The following RCAN2 variants were observed in gnomAD, a reference collection of about 807,000 sequenced individuals.
The protein encoded by RCAN2 is regulator of calcineurin 2, also known as calcipressin-2.
Under a neutral mutation model 23.6 loss-of-function variants are expected in RCAN2, and 9 were observed. The ratio of observed to expected loss-of-function variants is 0.38; its 90% CI spans 0.23 to 0.67. The LOEUF (loss-of-function observed/expected upper bound fraction) is 0.67, where lower values mean the gene tolerates loss of function less well. RCAN2 is among the 30% of genes least tolerant of loss of function. The pLI, the probability that RCAN2 is intolerant of heterozygous loss-of-function variation, is 0.51. For synonymous variants in RCAN2, 109 were observed against 115.7 expected (o/e 0.94, Z 0.37); for missense variants, 273 against 302.3 (o/e 0.90, Z 0.72).
intron 2 of RCAN2, among the ~76,000 whole-genome samples, chr6:46,298,488 C>T (rs529848671): frequency 6.6e-6 from 1 of 152,016 alleles, no homozygotes; most frequent in Non-Finnish European, 1.5e-5. Context: ...TCTTACAATG[C>T]GATGTTACCA....
intron 2 of RCAN2, among the ~76,000 whole-genome samples, chr6:46,369,356 A>G (rs1765264391): frequency 6.6e-6 from 1 of 152,246 alleles, no homozygotes. Context: ...AGTATACTAT[A>G]GTAAACTGGT....
At chr6:46,396,121 A>C (rs1766081718) in intron 2 of RCAN2, among the ~76,000 whole-genome samples, 1 of 152,174 alleles carries the variant, frequency 6.6e-6, no homozygotes, top group South Asian at 2.1e-4. Flanking sequence ...TCATGCCTCA[A>C]CTGGATTCAA....
intron 2 of RCAN2, among the ~76,000 whole-genome samples, chr6:46,286,212 T>C (rs1762367609): frequency 6.6e-6 from 1 of 152,202 alleles, no homozygotes; most frequent in Non-Finnish European, 1.5e-5. Context: ...CTGTTCAAAC[T>C]GTTCGAATAA....
At chr6:46,475,777 A>G (rs1448063043) in intron 1 of RCAN2, among the ~76,000 whole-genome samples, 2 of 152,166 alleles carry the variant, frequency 1.3e-5, no homozygotes, top group African/African-American at 4.8e-5. Context: ...ATGTTTATTC[A>G]TTCAAAAAAC....
At chr6:46,247,728 A>G (rs943361198) in intron 3 of RCAN2, among the ~76,000 whole-genome samples, 7 of 152,240 alleles carry the variant, frequency 4.6e-5, no homozygotes, top group African/African-American at 1.4e-4. Context: ...TGGACATACT[A>G]TAATTTGCTA....
chr6:46,398,422 A>AATT (rs968400799), intron 2 of RCAN2, among the ~76,000 whole-genome samples: 5 of 152,162 alleles, frequency 3.3e-5, no homozygotes, highest in South Asian at 2.1e-4. Flanking sequence ...CTTAGTGGCC[A>AATT]ATTATTATTA....
chr6:46,461,584 C>CT (rs71715310), intron 1 of RCAN2, among the ~76,000 whole-genome samples: 3,596 of 143,474 alleles, frequency 0.025, 132 homozygotes, highest in African/African-American at 0.086. Flanking sequence ...TCTTTTTTTT[C>CT]TTTTTTTTTT....
chr6:46,391,393 G>T lies in RCAN2; in HGVS notation c.225+65359C>A, dbSNP rs150564875. 6.1e-3 allele frequency among the ~76,000 whole-genome samples: 927 copies of T among 152,252 alleles called. 13 individuals carry two copies. The highest frequency in any genetic ancestry group is 0.021 in the African/African-American group (874 of 41,534). Reference sequence around the variant, plus strand: ...TGCAGCTGATAGGCAGGGGGGCAGGGCTAAAACTGGGGTGCTAGGAGTGAC... The same window carrying T: ...TGCAGCTGATAGGCAGGGGGGCAGGTCTAAAACTGGGGTGCTAGGAGTGAC... On this transcript the variant is annotated intron_variant, in intron 2 of 4. Transcript: ENST00000371374.
At position 46,221,493 on chromosome 6, in the gene RCAN2, T is replaced by C. The variant is rs1285895488; in HGVS notation, c.*1648A>G. 1.3e-5 allele frequency: 2 copies of C among 155,148 alleles called. No homozygotes were observed. Among genetic ancestry groups the C allele is most frequent in the East Asian group, 1.9e-4 (1 of 5,292 alleles). 9.6% of individuals were successfully genotyped at this position (155,148 alleles called of 1,614,324 possible). A position where few individuals can be genotyped will look rare whatever the true frequency, so the allele number is the denominator to read the frequency against. ...ATTGTACACTCCTCAGATTTTATTT[T>C]TAAAAGGAGTTTTCATTTTCCTTAT... On this transcript the variant is annotated 3_prime_UTR_variant, in exon 5 of 5. Transcript: ENST00000371374.
At chr6:46,413,718 G>A (rs1230917078) in intron 2 of RCAN2, among the ~76,000 whole-genome samples, 2 of 152,190 alleles carry the variant, frequency 1.3e-5, no homozygotes, top group Non-Finnish European at 2.9e-5. Context: ...GCTGACATGT[G>A]AAGTTTCTTG....
intron 2 of RCAN2, among the ~76,000 whole-genome samples, chr6:46,452,000 C>T (rs1767896738): frequency 6.6e-6 from 1 of 152,146 alleles, no homozygotes; most frequent in South Asian, 2.1e-4. Flanking sequence ...TTTGTTTTGG[C>T]ATCACTGTCA....
At chr6:46,489,964 A>G (rs1042768166) in intron 1 of RCAN2, among the ~76,000 whole-genome samples, 4 of 152,202 alleles carry the variant, frequency 2.6e-5, no homozygotes, top group Admixed American at 1.3e-4. Flanking sequence ...TTGACAGTCA[A>G]TGCTGACCTG....
rs550743471 is a variant in RCAN2 at position 46,222,345 on chromosome 6, A to G, written c.*796T>C. 22 of 178,898 alleles carry G rather than the reference A, an allele frequency of 1.2e-4. 1 individual carries two copies. The East Asian group carries it at 2.6e-3, about 22-fold the overall frequency. 11.1% of individuals were successfully genotyped at this position (178,898 alleles called of 1,614,324 possible). A position where few individuals can be genotyped will look rare whatever the true frequency, so the allele number is the denominator to read the frequency against. On this transcript the variant is annotated 3_prime_UTR_variant, in exon 5 of 5. Coordinates refer to ENST00000371374, the MANE Select transcript of RCAN2 (RefSeq NM_001251974.2). ...GAGAGAAAACAATCATTCAGACACC[A>G]TGAAACTTTTGTAATAAATAGGTTT...
chr6:46,458,381 T>C, intron 1 of RCAN2, among the ~76,000 whole-genome samples: 1 of 152,196 alleles, frequency 6.6e-6, no homozygotes, highest in African/African-American at 2.4e-5. Flanking sequence ...CAGCATTTTC[T>C]GGCAATAATG....
At chr6:46,332,310 C>A (rs1396129750) in intron 2 of RCAN2, among the ~76,000 whole-genome samples, 1 of 151,774 alleles carries the variant, frequency 6.6e-6, no homozygotes, top group Non-Finnish European at 1.5e-5. Flanking sequence ...TTTTTTTAAT[C>A]TGATTTTTTT....
Position 46,223,191 on chromosome 6 carries a change from T to C in RCAN2, c.682A>G (p.Lys228Glu). 6.2e-7 allele frequency: 1 copy of C among 1,613,958 alleles called. No homozygotes were observed. The highest frequency in any genetic ancestry group is 1.1e-5 in the South Asian group (1 of 91,058). Reference sequence around the variant, plus strand: ...CCAGGACGCCGAGTTTGGATGATTTTTGGCTTTGGGGAAGTCTTTGGGTCC... The same window carrying C: ...CCAGGACGCCGAGTTTGGATGATTTCTGGCTTTGGGGAAGTCTTTGGGTCC... ...EEDPKTSPKP[K>E]IIQTRRPGLP... The change falls in exon 5 of 5, where the codon AAA (lysine) becomes GAA (glutamate). Residue 228 changes from lysine to glutamate, a missense_variant. Coordinates refer to ENST00000371374, the MANE Select transcript of RCAN2 (RefSeq NM_001251974.2).
At chr6:46,241,269 T>G (rs1376643157) in intron 4 of RCAN2, among the ~76,000 whole-genome samples, 1 of 152,168 alleles carries the variant, frequency 6.6e-6, no homozygotes, top group African/African-American at 2.4e-5. Context: ...GCTTCTGGAG[T>G]CAGGAACAAC....
intron 2 of RCAN2, among the ~76,000 whole-genome samples, chr6:46,447,367 T>TAG (rs879462715): frequency 1.3e-5 from 2 of 151,374 alleles, no homozygotes; most frequent in Non-Finnish European, 3.0e-5. Flanking sequence ...AGAGAGAGAA[T>TAG]AGAGAGAGAG....
intron 1 of RCAN2, among the ~76,000 whole-genome samples, chr6:46,486,327 A>G (rs968336778): frequency 6.6e-6 from 1 of 152,170 alleles, no homozygotes; most frequent in African/African-American, 2.4e-5. Flanking sequence ...TGCTGAGCAA[A>G]GCATCTGGAA....
Sources: gnomAD v4.1 joint callset for allele counts (sites outside exome capture counted in the v4.1 genomes callset) on GRCh38, gnomAD v4.1.1 for gene constraint, MANE v1.5 for transcripts, NCBI Gene and HGNC (gene_info 2026-07-23, HGNC 2026-07-21) for gene names.